OSBPL1A: variants seen among roughly 807,000 people sequenced by gnomAD.
OSBPL1A encodes the protein oxysterol-binding protein-related protein 1.
OSBPL1A carries 80 observed loss-of-function variants against 137.1 expected under a neutral mutation model. The ratio of observed to expected loss-of-function variants is 0.58; its 90% confidence interval spans 0.49 to 0.70. The LOEUF (loss-of-function observed/expected upper bound fraction) is 0.70. Among genes scored for constraint, OSBPL1A ranks in the 30% least tolerant of loss-of-function variants. The pLI, the probability that OSBPL1A is intolerant of heterozygous loss-of-function variation, is 0.00. For synonymous variants in OSBPL1A, 365 were observed against 389.7 expected, an observed-to-expected ratio of 0.94 and a Z score of 0.75; for missense variants, 970 against 1,129.4, an observed-to-expected ratio of 0.86 and a Z score of 2.02.
At chr18:24,227,018 A>G (rs1006785640) in intron 16 of OSBPL1A, among the ~76,000 whole-genome samples, 8 of 150,730 alleles carry the variant, frequency 5.3e-5, no homozygotes, top group Non-Finnish European at 1.0e-4. Context: ...CAACCTCCCG[A>G]GTAGCTGGGA....
intron 15 of OSBPL1A, among the ~76,000 whole-genome samples, chr18:24,250,178 G>GTT (rs1408310982): frequency 1.0e-4 from 8 of 79,566 alleles, no homozygotes; most frequent in East Asian, 2.2e-3. Context: ...TTGTTTGTTT[G>GTT]TTTGTTTGTT....
chr18:24,300,714 A>G (rs2090383516), intron 14 of OSBPL1A, among the ~76,000 whole-genome samples: 1 of 152,220 alleles, frequency 6.6e-6, no homozygotes, highest in African/African-American at 2.4e-5. Flanking sequence ...TAACAATTAC[A>G]ACTATAAGCT....
intron 2 of OSBPL1A, among the ~76,000 whole-genome samples, chr18:24,374,489 C>T (rs1599728950): frequency 1.3e-5 from 2 of 152,026 alleles, no homozygotes; most frequent in South Asian, 4.1e-4. Flanking sequence ...AAGCTGCTTC[C>T]GGGATGCAGG....
chr18:24,313,157 A>T (rs754342096), intron 12 of OSBPL1A, among the ~76,000 whole-genome samples: 4 of 150,616 alleles, frequency 2.7e-5, no homozygotes, highest in Non-Finnish European at 5.9e-5. Context: ...AAGAAAAAGA[A>T]AAGGGCCGGG....
chr18:24,251,900 G>A (rs570323401), intron 15 of OSBPL1A, among the ~76,000 whole-genome samples: 63 of 152,120 alleles, frequency 4.1e-4, no homozygotes, highest in Non-Finnish European at 6.9e-4. Context: ...GAATCAAGCA[G>A]AAATTCTAGA....
chr18:24,330,290 T>G (rs553818064), intron 7 of OSBPL1A, among the ~76,000 whole-genome samples: 1 of 152,096 alleles, frequency 6.6e-6, no homozygotes. Context: ...ATACCTGACT[T>G]GGATTTTTCA....
intron 15 of OSBPL1A, among the ~76,000 whole-genome samples, chr18:24,247,403 A>G (rs2146021713): frequency 6.6e-6 from 1 of 152,292 alleles, no homozygotes; most frequent in Admixed American, 6.5e-5. Flanking sequence ...GCGATGCCCT[A>G]TGGGTCAAGA....
intron 14 of OSBPL1A, among the ~76,000 whole-genome samples, chr18:24,295,864 T>G (rs2090280884): frequency 6.6e-6 from 1 of 152,266 alleles, no homozygotes; most frequent in South Asian, 2.1e-4. Flanking sequence ...GAGCCTTTTT[T>G]TTTTTCTCCA....
At chr18:24,305,607 A>G (rs1357382042) in intron 13 of OSBPL1A, among the ~76,000 whole-genome samples, 1 of 152,246 alleles carries the variant, frequency 6.6e-6, no homozygotes, top group Non-Finnish European at 1.5e-5. Flanking sequence ...AATATTTTGC[A>G]GAGTCCAACA....
chr18:24,292,269 A>C (rs2090187806), intron 14 of OSBPL1A, among the ~76,000 whole-genome samples: 1 of 152,214 alleles, frequency 6.6e-6, no homozygotes, highest in South Asian at 2.1e-4. Context: ...AACAGAATTC[A>C]GGGGAGAGGA....
chr18:24,180,418 A>G (rs2086570654), intron 19 of OSBPL1A, among the ~76,000 whole-genome samples: 9 of 151,982 alleles, frequency 5.9e-5, no homozygotes, highest in Admixed American at 5.9e-4. Flanking sequence ...AGCAATGTAT[A>G]TATATTTATA....
chr18:24,211,771 C>A (rs2087552739), intron 17 of OSBPL1A, among the ~76,000 whole-genome samples: 1 of 152,020 alleles, frequency 6.6e-6, no homozygotes, highest in Non-Finnish European at 1.5e-5. Flanking sequence ...CGAGGCCAGC[C>A]TGGCCAATAT....
intron 17 of OSBPL1A, among the ~76,000 whole-genome samples, chr18:24,222,119 A>G (rs1240916698): frequency 2.0e-5 from 3 of 152,178 alleles, no homozygotes; most frequent in Admixed American, 6.5e-5. Flanking sequence ...TTAATATGTT[A>G]TTATCAAGTA....
chr18:24,199,857 A>G (rs920770735), intron 17 of OSBPL1A, among the ~76,000 whole-genome samples: 1 of 152,178 alleles, frequency 6.6e-6, no homozygotes, highest in Non-Finnish European at 1.5e-5. Context: ...TCGACCAAGG[A>G]TGCTGCTAAA....
chr18:24,295,979 G>A (rs191767472), intron 14 of OSBPL1A, among the ~76,000 whole-genome samples: 1 of 151,968 alleles, frequency 6.6e-6, no homozygotes, highest in African/African-American at 2.4e-5. Flanking sequence ...TATTACTTTG[G>A]CTATTCAGGT....
chr18:24,306,604 T>C (rs532844574), intron 13 of OSBPL1A, among the ~76,000 whole-genome samples: 3 of 152,236 alleles, frequency 2.0e-5, no homozygotes, highest in Non-Finnish European at 4.4e-5. Context: ...TATAATGACA[T>C]TGTCATTATA....
chr18:24,207,895 G>GT lies in OSBPL1A; in HGVS notation c.1602-11696dup, dbSNP rs149178632. Among the ~76,000 whole-genome samples, 194 of 152,202 alleles carry GT rather than the reference G, an allele frequency of 1.3e-3. 1 individual carries two copies. Among genetic ancestry groups the GT allele is most frequent in the African/African-American group, 4.6e-3 (190 of 41,526 alleles). ...GGAGTAGCTGGCACTACAAGCGTGT[G>GT]TTACAACACTGGCTACGTTTCGTAT... On this transcript the variant is annotated intron_variant, in intron 17 of 27. Coordinates refer to ENST00000319481, the MANE Select transcript of OSBPL1A (RefSeq NM_080597.4).
chr18:24,350,749 T>C (rs2091424664), intron 4 of OSBPL1A, among the ~76,000 whole-genome samples: 2 of 152,140 alleles, frequency 1.3e-5, no homozygotes, highest in African/African-American at 4.8e-5. Context: ...GAGAAAGTGA[T>C]TTCCAACCTA....
intron 23 of OSBPL1A, among the ~76,000 whole-genome samples, chr18:24,170,803 C>T (rs778637212): frequency 6.6e-5 from 10 of 152,076 alleles, no homozygotes; most frequent in African/African-American, 1.4e-4. Context: ...TGCGCCACTA[C>T]GCCTGCCTAA....
Sources: gnomAD v4.1 joint callset for allele counts (sites outside exome capture counted in the v4.1 genomes callset) on GRCh38, gnomAD v4.1.1 for gene constraint, MANE v1.5 for transcripts, NCBI Gene and HGNC (gene_info 2026-07-23, HGNC 2026-07-21) for gene names.